The following FAF1 variants were observed in gnomAD, a reference collection of about 807,000 sequenced individuals.
FAF1 encodes the protein FAS-associated factor 1.
A neutral mutation model predicts 92.5 loss-of-function variants in FAF1; 25 were observed. The observed-to-expected ratio is 0.27, with a 90% CI of 0.20 to 0.38. The LOEUF (loss-of-function observed/expected upper bound fraction) is 0.38, where lower values mean the gene tolerates loss of function less well. Among genes scored for constraint, FAF1 ranks in the 10% least tolerant of loss-of-function variants. The probability of loss-of-function intolerance (pLI) is 1.00; values close to 1 mark genes in which losing one functional copy is unlikely to be tolerated. For synonymous variants in FAF1, 234 were observed against 273.2 expected (o/e 0.86, Z 1.42); for missense variants, 636 against 793.3 (o/e 0.80, Z 2.38).
chr1:50,537,504 G>T (rs1381222587), intron 14 of FAF1, among the ~76,000 whole-genome samples: 11 of 152,064 alleles, frequency 7.2e-5, no homozygotes, highest in Non-Finnish European at 1.5e-5. Flanking sequence ...AAGAACTTTT[G>T]TTTATGTGGA....
intron 1 of FAF1, among the ~76,000 whole-genome samples, chr1:50,871,499 A>G (rs552280350): frequency 1.3e-5 from 2 of 152,320 alleles, no homozygotes; most frequent in Non-Finnish European, 2.9e-5. Context: ...ATGCTTATTG[A>G]CCATTCTGAA....
At chr1:50,695,591 G>A (rs78884406) in intron 7 of FAF1, among the ~76,000 whole-genome samples, 16,185 of 152,016 alleles carry the variant, frequency 0.11, 1,127 homozygotes, top group Middle Eastern at 0.29. Context: ...TAAAATGGAG[G>A]GCCCATCTCT....
chr1:50,782,834 A>C (rs1393031440), intron 4 of FAF1, among the ~76,000 whole-genome samples: 4 of 152,192 alleles, frequency 2.6e-5, no homozygotes, highest in Non-Finnish European at 5.9e-5. Flanking sequence ...GTAATGTCCT[A>C]AGTCTTCACA....
intron 1 of FAF1, among the ~76,000 whole-genome samples, chr1:50,955,884 C>CA (rs1238267307): frequency 6.6e-6 from 1 of 151,958 alleles, no homozygotes; most frequent in African/African-American, 2.4e-5. Flanking sequence ...AAGCCAGTCA[C>CA]AAAAAAGGGC....
chr1:50,510,164 T>TC (rs1647115555), intron 15 of FAF1, among the ~76,000 whole-genome samples: 1 of 112,546 alleles, frequency 8.9e-6, no homozygotes, highest in Non-Finnish European at 1.8e-5. Context: ...AGACTCTGTC[T>TC]CAAAAAAAAA....
At chr1:50,611,775 C>T (rs546436616) in intron 8 of FAF1, among the ~76,000 whole-genome samples, 17 of 152,216 alleles carry the variant, frequency 1.1e-4, no homozygotes, top group East Asian at 1.9e-4. Context: ...AAATACCCAC[C>T]GTACATTACT....
intron 14 of FAF1, among the ~76,000 whole-genome samples, chr1:50,538,729 C>T (rs1648614756): frequency 6.6e-6 from 1 of 152,034 alleles, no homozygotes; most frequent in Non-Finnish European, 1.5e-5. Context: ...ATCCATTTAC[C>T]CTATGCAAAT....
At chr1:50,798,194 A>T (rs985575678) in intron 3 of FAF1, among the ~76,000 whole-genome samples, 1 of 152,232 alleles carries the variant, frequency 6.6e-6, no homozygotes, top group Non-Finnish European at 1.5e-5. Context: ...CTATTTTTTA[A>T]GTACAAAACC....
At chr1:50,655,104 G>A (rs543813930) in intron 8 of FAF1, among the ~76,000 whole-genome samples, 1 of 151,778 alleles carries the variant, frequency 6.6e-6, no homozygotes, top group East Asian at 2.0e-4. Flanking sequence ...CTGAGTAGTG[G>A]GATTAGAGGC....
intron 3 of FAF1, among the ~76,000 whole-genome samples, chr1:50,794,985 A>T (rs941328747): frequency 2.6e-5 from 4 of 152,122 alleles, no homozygotes; most frequent in African/African-American, 4.8e-5. Flanking sequence ...TAAGCAATTT[A>T]AAAAAAGGAT....
chr1:50,883,595 C>G (rs1644631559), intron 1 of FAF1, among the ~76,000 whole-genome samples: 1 of 152,148 alleles, frequency 6.6e-6, no homozygotes, highest in South Asian at 2.1e-4. Context: ...ATCCTGGACC[C>G]CTCACAAGTT....
intron 1 of FAF1, 167 bp downstream of exon 1, chr1:50,959,600 T>C (rs563515437): frequency 4.3e-6 from 2 of 466,260 alleles, no homozygotes; most frequent in Non-Finnish European, 8.0e-6. Flanking sequence ...GCATATAAAT[T>C]ATACGCTTCT....
intron 8 of FAF1, among the ~76,000 whole-genome samples, chr1:50,635,812 TAA>T: frequency 6.6e-6 from 1 of 152,272 alleles, no homozygotes. Context: ...AGCGCAGAGG[TAA>T]AGATAATTGC....
At chr1:50,462,725 T>C (rs1452791372) in intron 18 of FAF1, among the ~76,000 whole-genome samples, 3 of 152,162 alleles carry the variant, frequency 2.0e-5, no homozygotes, top group Non-Finnish European at 2.9e-5. Flanking sequence ...CCTCATGATG[T>C]CTTGAAAATC....
chr1:50,731,266 T>G (rs1333116595), intron 6 of FAF1, among the ~76,000 whole-genome samples: 1 of 152,158 alleles, frequency 6.6e-6, no homozygotes, highest in Admixed American at 6.5e-5. Context: ...TCCTGTCCAG[T>G]TCCCCTTGAT....
intron 1 of FAF1, among the ~76,000 whole-genome samples, chr1:50,941,803 G>T (rs1288324634): frequency 6.6e-6 from 1 of 152,214 alleles, no homozygotes; most frequent in East Asian, 1.9e-4. Context: ...GACCCAAAGA[G>T]AAGCAAGCTA....
intron 13 of FAF1, 45 bp from the exon 14 acceptor site, chr1:50,539,773 A>T (rs1423388679): frequency 7.0e-7 from 1 of 1,433,002 alleles, no homozygotes. Context: ...TTGTAGTTTA[A>T]TAGATTTACT....
Position 50,490,443 on chromosome 1 carries a change from GGAAGGAAGGAAGGAAGGAAA to G in FAF1, c.1653+125_1653+144del. ...AGGAAGGAAGGAAGGAAGGAAGGAAGGAAGGAAGGAAGGAAGGAAAAAGAAAGAAGGAAGGAAGGAAGGAA... is the reference window on the plus strand; with the variant it reads ...AGGAAGGAAGGAAGGAAGGAAGGAAGAAGAAAGAAGGAAGGAAGGAAGGAA... On this transcript the variant is annotated intron_variant, in intron 17 of 18. Coordinates refer to ENST00000396153, the MANE Select transcript of FAF1 (RefSeq NM_007051.3). 5 of 362,630 alleles carry G rather than the reference GGAAGGAAGGAAGGAAGGAAA, an allele frequency of 1.4e-5. 1 individual carries two copies. Among genetic ancestry groups the G allele is most frequent in the Non-Finnish European group, 2.2e-5 (4 of 181,716 alleles). The allele number at this position is 362,630 out of a possible 1,614,324, so 22.5% of individuals were successfully genotyped here.
chr1:50,702,310 T>C (rs944047048), intron 7 of FAF1, among the ~76,000 whole-genome samples: 4 of 152,060 alleles, frequency 2.6e-5, no homozygotes, highest in Non-Finnish European at 5.9e-5. Context: ...ATCTGCACAA[T>C]AAACTGTTGA....
Sources: allele counts gnomAD v4.1 joint callset (sites outside exome capture counted in the v4.1 genomes callset), GRCh38; gene constraint gnomAD v4.1.1; transcripts MANE v1.5; gene names NCBI Gene and HGNC (gene_info 2026-07-23, HGNC 2026-07-21).